The following TSC2 variants were observed in gnomAD, a reference collection of about 807,000 sequenced individuals.
The protein encoded by TSC2 is tuberin.
In TSC2, 29 loss-of-function variants were observed where a neutral mutation model predicts 202.2. The ratio of observed to expected loss-of-function variants is 0.14; its 90% CI spans 0.11 to 0.20. The LOEUF (loss-of-function observed/expected upper bound fraction) is 0.20, where lower values mean the gene tolerates loss of function less well. TSC2 is among the 10% of genes least tolerant of loss of function. TSC2 has a pLI of 1.00. For missense variants in TSC2, 2,429 were observed against 2,420.0 expected, an observed-to-expected ratio of 1.00 and a Z score of -0.08; for synonymous variants, 1,349 against 1,044.0, an observed-to-expected ratio of 1.29 and a Z score of -5.63.
At chr16:2,083,531 C>T (rs983723954) in intron 32 of TSC2, 164 bp from the exon 33 acceptor site, 6 of 1,244,424 alleles carry the variant, frequency 4.8e-6, no homozygotes, top group Admixed American at 4.0e-5. Flanking sequence ...GCCTTCCCAG[C>T]GTCCTCCCTG....
Position 2,063,345 on chromosome 16 carries a change from G to T in TSC2, c.1443+292G>T. 5.4e-6 allele frequency: 3 copies of T among 556,686 alleles called. No individual in the cohort carries two copies. In the South Asian group the frequency reaches 6.1e-5, roughly 11 times the overall value. The allele number at this position is 556,686 out of a possible 1,614,324, so 34.5% of individuals were successfully genotyped here. On this transcript the variant is annotated intron_variant, in intron 14 of 41. Transcript: ENST00000219476. ...AACACAGGAGCCTCTTAAAAATTCT[G>T]TGTGAGTTCGTTTCAGCCAGTCTTG...
chr16:2,073,693 A>G (rs1388303420), intron 21 of TSC2, among the ~76,000 whole-genome samples: 3 of 152,236 alleles, frequency 2.0e-5, no homozygotes, highest in Non-Finnish European at 4.4e-5. Flanking sequence ...AAGCATAGCC[A>G]GCCTTGCTGG....
intron 36 of TSC2, 59 bp from the exon 37 acceptor site, chr16:2,086,134 C>T (rs1379291449): frequency 1.9e-6 from 3 of 1,603,202 alleles, no homozygotes; most frequent in Non-Finnish European, 2.6e-6. Flanking sequence ...CCCCCACCCT[C>T]TGCGGGGCAG....
chr16:2,082,391 G>A, intron 31 of TSC2, 45 bp from the exon 32 acceptor site: 1 of 1,604,780 alleles, frequency 6.2e-7, no homozygotes, highest in East Asian at 2.2e-5. Context: ...CCTGTGTGTA[G>A]CCCCTCCTCC....
Position 2,082,520 on chromosome 16 carries a change from G to A in TSC2, c.3883+16G>A, listed in dbSNP as rs746215819. 7 of 1,609,986 alleles carry A rather than the reference G, an allele frequency of 4.3e-6. No homozygotes were observed. The highest frequency in any genetic ancestry group is 5.1e-6 in the Non-Finnish European group (6 of 1,179,942). The stretch of plus-strand genomic sequence containing the variant: ...TCCTGGGCAGGTATCGCCTCTCAGA[G>A]GGAAGCGGTTGGCTGCAGAGCGCCA... On this transcript the variant is annotated intron_variant, in intron 32 of 41. Transcript: ENST00000219476.
At chr16:2,078,007 G>A (rs761813528) in intron 26 of TSC2, among the ~76,000 whole-genome samples, 8 of 152,244 alleles carry the variant, frequency 5.3e-5, no homozygotes, top group Non-Finnish European at 1.0e-4. Context: ...CCCAAGGGCC[G>A]CAGTGTGGGT....
intron 26 of TSC2, chr16:2,078,830 C>A: frequency 1.5e-6 from 1 of 665,404 alleles, no homozygotes. Flanking sequence ...CCTGGTCTTC[C>A]CCACCCAGCG....
At chr16:2,063,238 C>A in intron 14 of TSC2, 185 bp downstream of exon 14, 1 of 737,838 alleles carries the variant, frequency 1.4e-6, no homozygotes, top group Non-Finnish European at 2.3e-6. Flanking sequence ...GTCCTGGGTG[C>A]CTCTGCCAGG....
intron 35 of TSC2, 96 bp from the exon 36 acceptor site, chr16:2,085,134 C>T (rs1017846426): frequency 2.2e-5 from 36 of 1,603,048 alleles, no homozygotes; most frequent in Non-Finnish European, 2.7e-5. Flanking sequence ...GGGCTCTGGC[C>T]TAAGCTCCCT....
chr16:2,081,850 C>T, intron 31 of TSC2, 52 bp downstream of exon 31: 3 of 1,591,550 alleles, frequency 1.9e-6, no homozygotes, highest in Non-Finnish European at 2.6e-6. Flanking sequence ...TGGCCTGGTG[C>T]TCCCGGTGAC....
intron 2 of TSC2, among the ~76,000 whole-genome samples, chr16:2,049,835 G>T (rs1190127877): frequency 6.6e-6 from 1 of 151,548 alleles, no homozygotes; most frequent in African/African-American, 2.4e-5. Context: ...AAAAAAAATT[G>T]TGCAGTTTGA....
In TSC2 at chr16:2,079,231, G is replaced by A. The variant is rs1010587536; in HGVS notation, c.3131+35G>A. On this transcript the variant is annotated intron_variant, in intron 27 of 41. Coordinates refer to ENST00000219476, the MANE Select transcript of TSC2 (RefSeq NM_000548.5). This position sits in a 1 kb window ranked among gnomAD's most constrained non-coding sequence, Gnocchi z 4.6. ...GCACTACAGGGCTGGGCGGGCCTGCGGGAGCTCCACGGGCAAGCTGGGTTT... is the reference window on the plus strand; with the variant it reads ...GCACTACAGGGCTGGGCGGGCCTGCAGGAGCTCCACGGGCAAGCTGGGTTT... 4.3e-6 allele frequency: 7 copies of A among 1,612,794 alleles called. No individual in the cohort carries two copies. The highest frequency in any genetic ancestry group is 3.3e-5 in the Admixed American group (2 of 60,000).
chr16:2,064,594 C>T (rs1322303812), intron 15 of TSC2, 167 bp downstream of exon 15: 2 of 993,222 alleles, frequency 2.0e-6, no homozygotes, highest in Non-Finnish European at 3.0e-6. Context: ...CAGGGCCTGC[C>T]ACTGCTGGAT....
rs397515180 is a variant in TSC2, at chr16:2,070,624, G to A, written c.1839+46G>A. 3 of 1,612,058 alleles carry A rather than the reference G, an allele frequency of 1.9e-6. No homozygotes were observed. Among genetic ancestry groups the A allele is most frequent in the East Asian group, 2.2e-5 (1 of 44,848 alleles). Reference sequence around the variant, plus strand: ...CAGCCAGTTCCTGGGGGCCCAGCCAGGTATCCCCGTCTCGGCAGGTGTGGT... The same window carrying A: ...CAGCCAGTTCCTGGGGGCCCAGCCAAGTATCCCCGTCTCGGCAGGTGTGGT... On this transcript the variant is annotated intron_variant, in intron 17 of 41. Transcript: ENST00000219476.
Position 2,061,950 on chromosome 16 carries a change from T to C in TSC2, c.1199T>C (p.Phe400Ser). 1 of 1,614,128 alleles carries C rather than the reference T, an allele frequency of 6.2e-7. No homozygotes were observed. The highest frequency in any genetic ancestry group is 8.5e-7 in the Non-Finnish European group (1 of 1,180,020). The change falls in exon 12 of 42, where the codon TTC becomes TCC. Residue 400 changes from phenylalanine to serine, a missense_variant. Coordinates refer to ENST00000219476, the MANE Select transcript of TSC2 (RefSeq NM_000548.5). Reference sequence around the variant, plus strand: ...GAGGAGCTGTGTGACCAGAACGAGTTCCACGGGTCTCAGGAGAGATACTTT... The same window carrying C: ...GAGGAGCTGTGTGACCAGAACGAGTCCCACGGGTCTCAGGAGAGATACTTT... ...TVEELCDQNEFHGSQERYFEL... is the reference protein window; with the variant it reads ...TVEELCDQNESHGSQERYFEL...
At chr16:2,055,335 G>C in intron 5 of TSC2, 67 bp from the exon 6 acceptor site, 1 of 1,231,458 alleles carries the variant, frequency 8.1e-7, no homozygotes, top group Admixed American at 1.7e-5. Flanking sequence ...GTCCTGCGGC[G>C]GGAGGGGGAG....
rs567432587 is a variant in TSC2, at chr16:2,088,708, T to C, written c.*98T>C. The C allele has an allele frequency of 6.8e-7, 1 of 1,461,242 alleles. No homozygotes were observed. The highest frequency in any genetic ancestry group is 1.2e-5 in the South Asian group (1 of 80,524). 90.5% of individuals were successfully genotyped at this position (1,461,242 alleles called of 1,614,324 possible). ...CAGTGCACAGACATAGAGGCACAGA[T>C]TGCAGTCAGACAGCTCTTTTATTGA... On this transcript the variant is annotated 3_prime_UTR_variant, in exon 42 of 42. Transcript: ENST00000219476.
intron 16 of TSC2, among the ~76,000 whole-genome samples, chr16:2,069,388 T>C (rs1403560535): frequency 2.0e-5 from 3 of 151,764 alleles, no homozygotes; most frequent in Non-Finnish European, 2.9e-5. Context: ...GCAATCTTGG[T>C]TCACTGCAAC....
intron 3 of TSC2, among the ~76,000 whole-genome samples, chr16:2,051,493 G>T (rs2085120778): frequency 6.6e-6 from 1 of 152,142 alleles, no homozygotes; most frequent in Admixed American, 6.5e-5. Context: ...CGGTGGTATT[G>T]GGCGACCTCA....
Sources: gnomAD v4.1 joint callset for allele counts (sites outside exome capture counted in the v4.1 genomes callset) on GRCh38, gnomAD v4.1.1 for gene constraint, Gnocchi (gnomAD v3.1) non-coding constraint, MANE v1.5 for transcripts, NCBI Gene and HGNC (gene_info 2026-07-23, HGNC 2026-07-21) for gene names.